Variants in MLIP observed in about 807,000 individuals in gnomAD.
MLIP encodes muscular LMNA-interacting protein.
In MLIP, 79 loss-of-function variants were observed where a neutral mutation model predicts 84.8. That is an observed-to-expected ratio of 0.93 (90% CI 0.78 to 1.12). The LOEUF is 1.12. Ranked by LOEUF, MLIP falls within the 50% of genes most tolerant of loss-of-function variation. The pLI is 0.00. For missense variants in MLIP, 1,257 were observed against 1,160.6 expected, an observed-to-expected ratio of 1.08 and a Z score of -1.21; for synonymous variants, 504 against 463.0, an observed-to-expected ratio of 1.09 and a Z score of -1.14.
At chr6:54,139,705 A>C (rs1288928418) in intron 4 of MLIP, among the ~76,000 whole-genome samples, 1 of 152,172 alleles carries the variant, frequency 6.6e-6, no homozygotes, top group Non-Finnish European at 1.5e-5. Flanking sequence ...AGTTCAGTGA[A>C]TAATTGTCCA....
intron 9 of MLIP, among the ~76,000 whole-genome samples, chr6:54,186,957 G>C (rs1227641133): frequency 1.3e-5 from 2 of 152,098 alleles, no homozygotes; most frequent in Non-Finnish European, 2.9e-5. Context: ...AGACCTATAT[G>C]GGAATCTATT....
intron 9 of MLIP, among the ~76,000 whole-genome samples, chr6:54,172,019 C>A (rs1775820554): frequency 6.6e-6 from 1 of 151,410 alleles, no homozygotes; most frequent in Non-Finnish European, 1.5e-5. Context: ...AGGGATCGTG[C>A]AGGTTACCAA....
intron 4 of MLIP, among the ~76,000 whole-genome samples, chr6:54,146,630 A>T (rs1249240738): frequency 6.6e-6 from 1 of 152,238 alleles, no homozygotes; most frequent in Non-Finnish European, 1.5e-5. Flanking sequence ...GCAAGTGTTC[A>T]TTTGGCTACT....
At chr6:54,215,227 G>T in intron 11 of MLIP, 1 of 1,529,958 alleles carries the variant, frequency 6.5e-7, no homozygotes, top group Non-Finnish European at 8.7e-7. Flanking sequence ...TATCCTTGTG[G>T]CTAGTTACTG....
At chr6:54,216,780 A>G in intron 11 of MLIP, 1 of 985,386 alleles carries the variant, frequency 1.0e-6, no homozygotes, top group Non-Finnish European at 1.2e-6. Flanking sequence ...AAGCAAGAAG[A>G]TATGCCATAT....
intron 11 of MLIP, among the ~76,000 whole-genome samples, chr6:54,226,323 G>A (rs764659538): frequency 1.8e-4 from 27 of 152,120 alleles, no homozygotes; most frequent in African/African-American, 4.3e-4. Flanking sequence ...ATGCCGACCC[G>A]CACTGTCTCT....
intron 11 of MLIP, among the ~76,000 whole-genome samples, chr6:54,208,228 T>C (rs1377559527): frequency 2.0e-5 from 3 of 152,246 alleles, no homozygotes; most frequent in Non-Finnish European, 4.4e-5. Flanking sequence ...AGAGGATATC[T>C]ATGTAAAAAT....
At chr6:54,059,733 A>C (rs4712054) in intron 1 of MLIP, among the ~76,000 whole-genome samples, 150,419 of 152,190 alleles carry the variant, frequency 0.99, 74,361 homozygotes, top group East Asian at 1. Context: ...TAAAGGTTAG[A>C]ATTTTTTTTA....
intron 12 of MLIP, among the ~76,000 whole-genome samples, chr6:54,231,923 A>G (rs1781032995): frequency 6.6e-6 from 1 of 152,184 alleles, no homozygotes; most frequent in South Asian, 2.1e-4. Flanking sequence ...ACACTGTTAT[A>G]TAAGGAAAAA....
At chr6:54,066,880 C>CA (rs1023821526) in intron 1 of MLIP, among the ~76,000 whole-genome samples, 2 of 96,334 alleles carry the variant, frequency 2.1e-5, no homozygotes, top group Non-Finnish European at 3.0e-5. Flanking sequence ...ATGTTTTATC[C>CA]AAAAAAAATG....
At chr6:54,028,681 C>G (rs1482063910) in intron 1 of MLIP, among the ~76,000 whole-genome samples, 1 of 152,134 alleles carries the variant, frequency 6.6e-6, no homozygotes, top group African/African-American at 2.4e-5. Context: ...CCCAGCAATC[C>G]TTTGCCTACA....
At chr6:54,251,083 C>G (rs577919081) in intron 12 of MLIP, among the ~76,000 whole-genome samples, 1 of 152,056 alleles carries the variant, frequency 6.6e-6, no homozygotes, top group East Asian at 1.9e-4. Flanking sequence ...ACTTAATAAT[C>G]AAATATGTGG....
intron 12 of MLIP, among the ~76,000 whole-genome samples, chr6:54,242,940 C>T (rs1222557034): frequency 1.3e-5 from 2 of 152,142 alleles, no homozygotes; most frequent in Non-Finnish European, 2.9e-5. Context: ...GTTGACAAAA[C>T]ACATTTATTC....
chr6:54,211,407 T>G (rs1779441437), intron 11 of MLIP, among the ~76,000 whole-genome samples: 1 of 152,192 alleles, frequency 6.6e-6, no homozygotes, highest in South Asian at 2.1e-4. Context: ...ACTGGCCCAT[T>G]GCAGGGCATG....
chr6:54,138,287 G>A lies in MLIP; in HGVS notation c.2217+1G>A. On this transcript the variant is annotated splice_donor_variant, in intron 4 of 13. Transcript: ENST00000502396. LOFTEE classifies it high-confidence loss of function. ...AGGCCCAGAAAATAAGAAATCAAAG[G>A]TATTTTTTGCATGTTGCATGGTGCA... 6.5e-7 allele frequency: 1 copy of A among 1,532,250 alleles called. No homozygotes were observed. The highest frequency in any genetic ancestry group is 8.7e-7 in the Non-Finnish European group (1 of 1,144,004). The allele number at this position is 1,532,250 out of a possible 1,614,324, so 94.9% of individuals were successfully genotyped here.
intron 1 of MLIP, among the ~76,000 whole-genome samples, chr6:54,062,292 C>T (rs893266363): frequency 2.0e-5 from 3 of 151,944 alleles, no homozygotes; most frequent in Non-Finnish European, 4.4e-5. Flanking sequence ...TCATGATGTC[C>T]TTATTAGCCC....
intron 13 of MLIP, among the ~76,000 whole-genome samples, chr6:54,262,492 A>G (rs1324005174): frequency 2.6e-5 from 4 of 152,040 alleles, no homozygotes; most frequent in Non-Finnish European, 4.4e-5. Flanking sequence ...TGGGATGACA[A>G]TCTGTGTCTG....
intron 8 of MLIP, among the ~76,000 whole-genome samples, chr6:54,164,890 C>T (rs868135188): frequency 7.3e-5 from 11 of 151,306 alleles, no homozygotes; most frequent in South Asian, 2.1e-4. Context: ...ATTTCTAATT[C>T]GGAGCTATTA....
intron 8 of MLIP, among the ~76,000 whole-genome samples, chr6:54,161,625 G>A (rs1191185626): frequency 1.3e-5 from 2 of 151,556 alleles, no homozygotes; most frequent in African/African-American, 2.4e-5. Flanking sequence ...TAAAATATGG[G>A]ACACTGTGTG....
Sources: gnomAD v4.1 joint callset for allele counts (sites outside exome capture counted in the v4.1 genomes callset) on GRCh38, gnomAD v4.1.1 for gene constraint, MANE v1.5 for transcripts, NCBI Gene and HGNC (gene_info 2026-07-23, HGNC 2026-07-21) for gene names.